The following SPAG16 variants were observed in gnomAD, a reference collection of about 807,000 sequenced individuals.
The protein encoded by SPAG16 is sperm associated antigen 16.
Under a neutral mutation model 80.4 loss-of-function variants are expected in SPAG16, and 86 were observed. The observed-to-expected ratio is 1.07, with a 90% CI of 0.90 to 1.28. SPAG16 has a LOEUF of 1.28. Among genes scored for constraint, SPAG16 ranks in the 50% most tolerant of loss-of-function variants. The pLI, the probability that SPAG16 is intolerant of heterozygous loss-of-function variation, is 0.00. For synonymous variants in SPAG16, 294 were observed against 265.9 expected, an observed-to-expected ratio of 1.11 and a Z score of -1.03; for missense variants, 870 against 765.3, an observed-to-expected ratio of 1.14 and a Z score of -1.61.
At chr2:213,769,217 T>G (rs947069235) in intron 10 of SPAG16, among the ~76,000 whole-genome samples, 1 of 152,176 alleles carries the variant, frequency 6.6e-6, no homozygotes, top group Non-Finnish European at 1.5e-5. Context: ...TGGGGATACA[T>G]TTATTAATTT....
intron 13 of SPAG16, among the ~76,000 whole-genome samples, chr2:214,036,579 C>T (rs1390491287): frequency 1.3e-5 from 2 of 152,194 alleles, no homozygotes; most frequent in East Asian, 3.8e-4. Context: ...GGTTTCTCTG[C>T]TTCCATTCCA....
chr2:213,311,897 G>T (rs1044647030), intron 4 of SPAG16, among the ~76,000 whole-genome samples: 1 of 151,228 alleles, frequency 6.6e-6, no homozygotes, highest in Non-Finnish European at 1.5e-5. Context: ...TCCTTTGTTA[G>T]TTTGTTAAAA....
intron 10 of SPAG16, among the ~76,000 whole-genome samples, chr2:213,543,089 T>C (rs1488703671): frequency 6.6e-6 from 1 of 152,002 alleles, no homozygotes; most frequent in Non-Finnish European, 1.5e-5. Flanking sequence ...TCAGAAAGTA[T>C]TAAGAACAAT....
rs114122278 is a variant in SPAG16 at position 213,381,558 on chromosome 2, T to C, written c.942+6439T>C. 5.2e-3 allele frequency among the ~76,000 whole-genome samples: 792 copies of C among 152,270 alleles called. 4 individuals are homozygous for C. The highest frequency in any genetic ancestry group is 0.017 in the African/African-American group (703 of 41,548). Reference sequence around the variant, plus strand: ...TGATTCCATACGTAGTCTTCATCTTTAACACAAGGCTACATGATCCTATTG... The same window carrying C: ...TGATTCCATACGTAGTCTTCATCTTCAACACAAGGCTACATGATCCTATTG... On this transcript the variant is annotated intron_variant, in intron 9 of 15. Coordinates refer to ENST00000331683, the MANE Select transcript of SPAG16 (RefSeq NM_024532.5).
chr2:213,407,086 G>T (rs2068651407), intron 9 of SPAG16, among the ~76,000 whole-genome samples: 1 of 152,118 alleles, frequency 6.6e-6, no homozygotes, highest in Non-Finnish European at 1.5e-5. Flanking sequence ...AATTCTGGAG[G>T]GCTAAATGTG....
chr2:213,902,723 A>G (rs1447110640), intron 11 of SPAG16, among the ~76,000 whole-genome samples: 1 of 152,150 alleles, frequency 6.6e-6, no homozygotes, highest in Admixed American at 6.5e-5. Context: ...ACAGTCCCCC[A>G]AAGTCTTAAC....
intron 12 of SPAG16, among the ~76,000 whole-genome samples, chr2:213,959,711 G>C (rs2044318148): frequency 1.3e-5 from 2 of 152,098 alleles, no homozygotes; most frequent in Non-Finnish European, 2.9e-5. Flanking sequence ...ATTCCAGTCA[G>C]CCTCCCATCA....
intron 15 of SPAG16, among the ~76,000 whole-genome samples, chr2:214,209,429 G>A (rs2058229864): frequency 6.6e-6 from 1 of 152,142 alleles, no homozygotes; most frequent in African/African-American, 2.4e-5. Flanking sequence ...TTAACAGCAT[G>A]CATCAATCGA....
Position 213,759,543 on chromosome 2 carries a change from T to A in SPAG16, c.1071-102942T>A, listed in dbSNP as rs560112647. ...GCCGAGTTTTTATATATTATTGCAG[T>A]TATGGTGGTACAAATTTAAATTAGA... On this transcript the variant is annotated intron_variant, in intron 10 of 15. Transcript: ENST00000331683. 2.0e-5 allele frequency among the ~76,000 whole-genome samples: 3 copies of A among 152,010 alleles called. No homozygotes were observed. The East Asian group carries it at 5.8e-4, about 29-fold the overall frequency.
chr2:214,266,295 G>A (rs1691562308), intron 15 of SPAG16, among the ~76,000 whole-genome samples: 1 of 151,890 alleles, frequency 6.6e-6, no homozygotes, highest in Non-Finnish European at 1.5e-5. Flanking sequence ...AGAATACGTT[G>A]CCACAAGAAT....
intron 10 of SPAG16, among the ~76,000 whole-genome samples, chr2:213,637,466 G>A (rs1355224573): frequency 6.6e-6 from 1 of 152,128 alleles, no homozygotes; most frequent in Non-Finnish European, 1.5e-5. Context: ...GAATGATTTA[G>A]GGAGGATTTT....
intron 15 of SPAG16, among the ~76,000 whole-genome samples, chr2:214,207,563 C>A (rs2058177487): frequency 6.6e-6 from 1 of 152,094 alleles, no homozygotes. Context: ...ATGCTTATTT[C>A]TTATTATTAT....
chr2:213,771,454 T>A (rs561707471), intron 10 of SPAG16, among the ~76,000 whole-genome samples: 10 of 152,280 alleles, frequency 6.6e-5, no homozygotes, highest in East Asian at 3.9e-4. Flanking sequence ...CTCTTTTTTT[T>A]AATTAGATCC....
intron 13 of SPAG16, among the ~76,000 whole-genome samples, chr2:214,022,835 C>G (rs1180248552): frequency 6.6e-6 from 1 of 151,946 alleles, no homozygotes; most frequent in African/African-American, 2.4e-5. Context: ...ATATTAACAC[C>G]AAGCCATAGT....
chr2:213,509,086 T>G (rs1238409370), intron 10 of SPAG16, among the ~76,000 whole-genome samples: 1 of 151,964 alleles, frequency 6.6e-6, no homozygotes, highest in Non-Finnish European at 1.5e-5. Flanking sequence ...AGTCTCCGCC[T>G]TCCAAGTTCA....
rs185544482 is a variant in SPAG16, at chr2:214,047,811, A to G, written c.1527+33734A>G. On this transcript the variant is annotated intron_variant, in intron 13 of 15. Transcript: ENST00000331683. ...CACATCTGATAAGGTATTAGTAACT[A>G]GAATATATAAGGAGCTCAAACAACT... Among the ~76,000 whole-genome samples, 4 of 152,330 alleles carry G rather than the reference A, an allele frequency of 2.6e-5. No individual in the cohort carries two copies. In the East Asian group the frequency reaches 7.7e-4, roughly 29 times the overall value.
chr2:213,738,927 G>A (rs1245018106), intron 10 of SPAG16, among the ~76,000 whole-genome samples: 2 of 152,148 alleles, frequency 1.3e-5, no homozygotes, highest in East Asian at 1.9e-4. Context: ...AGGTAGCCAC[G>A]TTACAGAGAG....
At chr2:214,396,356 A>G (rs1253538159) in intron 15 of SPAG16, among the ~76,000 whole-genome samples, 1 of 152,088 alleles carries the variant, frequency 6.6e-6, no homozygotes, top group Non-Finnish European at 1.5e-5. Flanking sequence ...AAAAGTACTT[A>G]GACACATTGT....
intron 11 of SPAG16, among the ~76,000 whole-genome samples, chr2:213,917,966 G>A (rs556462772): frequency 8.5e-5 from 13 of 152,190 alleles, no homozygotes; most frequent in African/African-American, 2.9e-4. Flanking sequence ...CTAATTTATT[G>A]AGGGTTGTTA....
Sources: gnomAD v4.1 joint callset for allele counts (sites outside exome capture counted in the v4.1 genomes callset) on GRCh38, gnomAD v4.1.1 for gene constraint, MANE v1.5 for transcripts, NCBI Gene and HGNC (gene_info 2026-07-23, HGNC 2026-07-21) for gene names.